Variants in FRMPD4 observed in about 807,000 individuals in gnomAD.
FRMPD4 encodes FERM and PDZ domain-containing protein 4.
Under a neutral mutation model 94.1 loss-of-function variants are expected in FRMPD4, and 22 were observed. The ratio of observed to expected loss-of-function variants is 0.23; its 90% CI spans 0.17 to 0.33. FRMPD4 has a LOEUF of 0.33. FRMPD4 is among the 10% of genes least tolerant of loss of function. FRMPD4 has a pLI of 1.00. For synonymous variants in FRMPD4, 631 were observed against 548.6 expected (o/e 1.15, Z -2.10); for missense variants, 1,111 against 1,339.9 (o/e 0.83, Z 2.67).
intron 3 of FRMPD4, among the ~76,000 whole-genome samples, chrX:11,988,609 A>C (rs775946802): frequency 2.8e-5 from 3 of 107,911 alleles, no homozygotes; most frequent in Non-Finnish European, 3.9e-5. Context: ...ATGAGATCAC[A>C]TCAAGTTAAA....
chrX:11,825,190 TTG>T (rs747320680), intron 1 of FRMPD4, among the ~76,000 whole-genome samples: 11,155 of 79,939 alleles, frequency 0.14, 680 homozygotes, highest in Middle Eastern at 0.19. Context: ...TGTGTCTTCT[TTG>T]TGTGTGTGTG....
intron 1 of FRMPD4, among the ~76,000 whole-genome samples, chrX:12,141,684 GCA>G (rs60367256): frequency 0.096 from 10,636 of 110,522 alleles, 1,049 homozygotes; most frequent in East Asian, 0.62. Context: ...TTCGTGGGTG[GCA>G]CAGTGTGTCA....
At chrX:12,273,932 C>T (rs1036008300) in intron 1 of FRMPD4, among the ~76,000 whole-genome samples, 8 of 111,896 alleles carry the variant, frequency 7.1e-5, no homozygotes, top group Non-Finnish European at 1.1e-4. Context: ...CATGCTGTTA[C>T]GTGATTTTTG....
chrX:11,857,130 G>A (rs376487768), intron 1 of FRMPD4, among the ~76,000 whole-genome samples: 1 of 111,741 alleles, frequency 8.9e-6, no homozygotes, highest in Admixed American at 9.5e-5. Flanking sequence ...TGGCCATACT[G>A]TCCAAAGCCA....
chrX:12,425,311 A>G (rs1387695545), intron 1 of FRMPD4, among the ~76,000 whole-genome samples: 1 of 112,031 alleles, frequency 8.9e-6, no homozygotes, highest in Non-Finnish European at 1.9e-5. Flanking sequence ...AGCCAACCAG[A>G]GTTGTATTTC....
chrX:12,335,454 C>T (rs1193907905), intron 1 of FRMPD4, among the ~76,000 whole-genome samples: 2 of 111,888 alleles, frequency 1.8e-5, no homozygotes, highest in East Asian at 5.6e-4. Flanking sequence ...CTTAACTTGA[C>T]ATTTTAAAAA....
chrX:12,401,733 A>G (rs2056611334), intron 1 of FRMPD4, among the ~76,000 whole-genome samples: 1 of 112,170 alleles, frequency 8.9e-6, no homozygotes, highest in Non-Finnish European at 1.9e-5. Flanking sequence ...AATAATTTAC[A>G]TGATACCATA....
intron 2 of FRMPD4, chrX:12,583,662 C>T (rs1429216515): frequency 2.2e-5 from 8 of 371,189 alleles, no homozygotes; most frequent in Non-Finnish European, 3.8e-5. Context: ...GTCTGCGCGC[C>T]CCGCCGCCCT....
At chrX:11,868,876 T>G (rs1028930683) in intron 2 of FRMPD4, among the ~76,000 whole-genome samples, 4 of 112,648 alleles carry the variant, frequency 3.6e-5, no homozygotes, top group Non-Finnish European at 5.6e-5. Flanking sequence ...CCTTATGCAC[T>G]ATAACAGCAG....
intron 4 of FRMPD4, 106 bp downstream of exon 4, chrX:12,614,987 G>C (rs1354070773): frequency 2.5e-6 from 1 of 398,723 alleles, no homozygotes; most frequent in Non-Finnish European, 4.5e-6. Context: ...ATTTAGGATG[G>C]AAATGCAAGC....
At chrX:12,137,717 G>C (rs779454320), upstream of FRMPD4, among the ~76,000 whole-genome samples, 1 of 112,452 alleles carries the variant, frequency 8.9e-6, no homozygotes, top group Admixed American at 9.3e-5. Context: ...AAAAGAGAAG[G>C]CTAGGAGGAG....
chrX:12,353,582 A>G (rs1224439323), intron 1 of FRMPD4, among the ~76,000 whole-genome samples: 1 of 112,082 alleles, frequency 8.9e-6, no homozygotes, highest in Admixed American at 9.4e-5. Context: ...GACCTTTTGT[A>G]ATACCCTGTA....
At position 12,053,352 on chromosome X, in the gene FRMPD4, AAAGAAAG is replaced by A. The variant is rs1419205889; in HGVS notation, c.95+175344_95+175350del. ...AAAGAAAGAAAGAAAGAAAGAAAGG[AAAGAAAG>A]AAGAAAGAAAGAAAGAAAGAAAGAA... On this transcript the variant is annotated intron_variant, in intron 3 of 18. Coordinates refer to the FRMPD4 transcript ENST00000640291. Among the ~76,000 whole-genome samples, 65 of 90,056 alleles carry A rather than the reference AAAGAAAG, an allele frequency of 7.2e-4. 1 individual carries two copies. The highest frequency in any genetic ancestry group is 2.0e-3 in the Admixed American group (15 of 7,452). The allele number at this position is 90,056 out of a possible 115,157, so 78.2% of individuals were successfully genotyped here.
At chrX:12,040,276 T>G (rs1219415805) in intron 3 of FRMPD4, among the ~76,000 whole-genome samples, 6 of 109,417 alleles carry the variant, frequency 5.5e-5, no homozygotes, top group African/African-American at 2.0e-4. Flanking sequence ...GATCCTTTCA[T>G]TAGGAAAGTT....
At chrX:12,308,386 C>A (rs1272431760) in intron 1 of FRMPD4, among the ~76,000 whole-genome samples, 1 of 111,678 alleles carries the variant, frequency 9.0e-6, no homozygotes, top group African/African-American at 3.3e-5. Flanking sequence ...TGCTTGGTAG[C>A]TAATTTTCAA....
intron 1 of FRMPD4, among the ~76,000 whole-genome samples, chrX:12,152,223 T>C (rs2055862075): frequency 8.9e-6 from 1 of 111,988 alleles, no homozygotes; most frequent in African/African-American, 3.2e-5. Context: ...ATTTCAACAA[T>C]TCCATTGTTT....
At position 12,637,681 on chromosome X, in the gene FRMPD4, T is replaced by TA. The variant is rs1333275700; in HGVS notation, c.422+22811dup. Among the ~76,000 whole-genome samples, 132 of 106,257 alleles carry TA rather than the reference T, an allele frequency of 1.2e-3. 3 individuals carry two copies. The highest frequency in any genetic ancestry group is 9.7e-3 in the Middle Eastern group (2 of 206). The allele number at this position is 106,257 out of a possible 115,157, so 92.3% of individuals were successfully genotyped here. A position where few individuals can be genotyped will look rare whatever the true frequency, so the allele number is the denominator to read the frequency against. The stretch of plus-strand genomic sequence containing the variant: ...GGTAACAGAGTGAGACTCTGTCTCT[T>TA]AAAAAAAAAAATCATTTGAGATAGT... On this transcript the variant is annotated intron_variant, in intron 4 of 16. Coordinates refer to ENST00000675598, the MANE Select transcript of FRMPD4 (RefSeq NM_001368397.1).
At chrX:12,105,632 A>C (rs2055290876) in intron 3 of FRMPD4, among the ~76,000 whole-genome samples, 1 of 112,756 alleles carries the variant, frequency 8.9e-6, no homozygotes, top group African/African-American at 3.2e-5. Flanking sequence ...ATAACAATAC[A>C]GGCTCAAATG....
chrX:12,121,535 T>C (rs1254427539), intron 3 of FRMPD4, among the ~76,000 whole-genome samples: 3 of 111,876 alleles, frequency 2.7e-5, no homozygotes, highest in Non-Finnish European at 5.6e-5. Flanking sequence ...GTCCATTACT[T>C]CACCTTGGCA....
Sources: gnomAD v4.1 joint callset for allele counts (sites outside exome capture counted in the v4.1 genomes callset) on GRCh38, gnomAD v4.1.1 for gene constraint, MANE v1.5 for transcripts, NCBI Gene and HGNC (gene_info 2026-07-23, HGNC 2026-07-21) for gene names.